Variants in RPS6KC1 observed in about 807,000 individuals in gnomAD.
RPS6KC1 encodes inactive ribosomal protein S6 kinase delta-1.
Under a neutral mutation model 103.8 loss-of-function variants are expected in RPS6KC1, and 54 were observed. That is an observed-to-expected ratio of 0.52 (90% CI 0.42 to 0.65). The LOEUF is 0.65. Among genes scored for constraint, RPS6KC1 ranks in the 30% least tolerant of loss-of-function variants. The probability of loss-of-function intolerance (pLI) is 0.00; values close to 1 mark genes in which losing one functional copy is unlikely to be tolerated. For missense variants in RPS6KC1, 1,151 were observed against 1,253.8 expected (o/e 0.92, Z 1.24); for synonymous variants, 439 against 438.7 (o/e 1.00, Z -0.01).
At chr1:213,669,391 C>T in the RPS6KC1 span, among the ~76,000 whole-genome samples, 1 of 152,158 alleles carries the variant, frequency 6.6e-6, no homozygotes, top group Non-Finnish European at 1.5e-5. Context: ...GTGGTCGCAA[C>T]ACACACGTTT....
chr1:213,324,306 A>C, the RPS6KC1 span, among the ~76,000 whole-genome samples: 1 of 152,228 alleles, frequency 6.6e-6, no homozygotes. Context: ...GGCCAGTCAG[A>C]AGATTGCCAG....
the RPS6KC1 span, among the ~76,000 whole-genome samples, chr1:213,734,453 G>C: frequency 1.8e-5 from 1 of 57,022 alleles, no homozygotes; most frequent in Non-Finnish European, 3.4e-5. Context: ...CAAAAAATTA[G>C]GGATTTTGTC....
chr1:213,220,406 A>C (rs1033096124), intron 8 of RPS6KC1, among the ~76,000 whole-genome samples: 2 of 152,184 alleles, frequency 1.3e-5, no homozygotes, highest in Non-Finnish European at 2.9e-5. Context: ...ACCTCAGTGC[A>C]ACCTCTGCCT....
chr1:213,598,087 A>T, the RPS6KC1 span, among the ~76,000 whole-genome samples: 2 of 152,224 alleles, frequency 1.3e-5, no homozygotes, highest in Non-Finnish European at 2.9e-5. Context: ...AAAAGGAAAA[A>T]GCCCCACAAC....
chr1:213,598,391 C>T, the RPS6KC1 span, among the ~76,000 whole-genome samples: 1 of 152,196 alleles, frequency 6.6e-6, no homozygotes, highest in Admixed American at 6.5e-5. Context: ...GTTAAACAAT[C>T]TAGAGTTATA....
chr1:213,573,113 T>C, the RPS6KC1 span, among the ~76,000 whole-genome samples: 1 of 152,222 alleles, frequency 6.6e-6, no homozygotes, highest in Non-Finnish European at 1.5e-5. Flanking sequence ...TCAAAAGCTT[T>C]TGATGTTGCC....
At chr1:213,471,594 T>C in the RPS6KC1 span, among the ~76,000 whole-genome samples, 1 of 152,292 alleles carries the variant, frequency 6.6e-6, no homozygotes. Flanking sequence ...GCCAAATGTT[T>C]CCCTTTTCTA....
intron 6 of RPS6KC1, among the ~76,000 whole-genome samples, chr1:213,134,873 A>G (rs2086096093): frequency 6.6e-6 from 1 of 152,134 alleles, no homozygotes; most frequent in African/African-American, 2.4e-5. Flanking sequence ...TTCTGAGAAT[A>G]GAGGTAGTTT....
chr1:213,726,604 A>C, the RPS6KC1 span, among the ~76,000 whole-genome samples: 1 of 152,276 alleles, frequency 6.6e-6, no homozygotes, highest in East Asian at 1.9e-4. Flanking sequence ...AAAAAATTTC[A>C]ATTGCTTAAG....
chr1:213,217,752 A>G (rs1455275733), intron 8 of RPS6KC1, among the ~76,000 whole-genome samples: 2 of 152,236 alleles, frequency 1.3e-5, no homozygotes, highest in African/African-American at 2.4e-5. Context: ...CAGCATATAA[A>G]CAGAACCAAT....
the RPS6KC1 span, among the ~76,000 whole-genome samples, chr1:213,459,874 C>T: frequency 2.6e-5 from 4 of 152,030 alleles, no homozygotes; most frequent in South Asian, 2.1e-4. Flanking sequence ...CAGGTTGTTC[C>T]GTTTCCATGT....
chr1:213,653,455 G>A, the RPS6KC1 span, among the ~76,000 whole-genome samples: 4 of 139,920 alleles, frequency 2.9e-5, no homozygotes, highest in African/African-American at 9.9e-5. Flanking sequence ...GAAAGATCCT[G>A]TCTCAAAAAA....
At chr1:213,525,855 TG>T in the RPS6KC1 span, among the ~76,000 whole-genome samples, 1 of 151,798 alleles carries the variant, frequency 6.6e-6, no homozygotes, top group East Asian at 1.9e-4. Flanking sequence ...AGTAGAGTGG[TG>T]GGGGGAAGGC....
chr1:213,703,530 T>C, the RPS6KC1 span, among the ~76,000 whole-genome samples: 2 of 152,200 alleles, frequency 1.3e-5, no homozygotes, highest in African/African-American at 2.4e-5. Context: ...TTATAGGACA[T>C]GTCTGGTGTT....
chr1:213,116,731 C>A (rs981004393), intron 4 of RPS6KC1, among the ~76,000 whole-genome samples: 1 of 151,404 alleles, frequency 6.6e-6, no homozygotes, highest in East Asian at 1.9e-4. Flanking sequence ...TTCAGGAGCT[C>A]TTTTAGGGCA....
chr1:213,098,359 C>G (rs2081673552), intron 3 of RPS6KC1, among the ~76,000 whole-genome samples: 1 of 141,180 alleles, frequency 7.1e-6, no homozygotes, highest in Non-Finnish European at 1.5e-5. Context: ...TTAGGCTGGT[C>G]TCAAACTCCT....
At chr1:213,362,317 C>G in the RPS6KC1 span, among the ~76,000 whole-genome samples, 3 of 152,180 alleles carry the variant, frequency 2.0e-5, no homozygotes, top group African/African-American at 7.2e-5. Flanking sequence ...CTATGTAACT[C>G]TAGAGCTGCC....
the RPS6KC1 span, among the ~76,000 whole-genome samples, chr1:213,845,682 T>A: frequency 1.5e-4 from 23 of 152,290 alleles, no homozygotes; most frequent in Admixed American, 8.5e-4. Flanking sequence ...CTAATCGTAA[T>A]ACACCTACAA....
At chr1:213,159,238 T>A (rs2090219560) in intron 6 of RPS6KC1, among the ~76,000 whole-genome samples, 1 of 152,202 alleles carries the variant, frequency 6.6e-6, no homozygotes, top group Non-Finnish European at 1.5e-5. Flanking sequence ...GGACGAGTAG[T>A]TTCCTGGCAT....
Sources: allele counts gnomAD v4.1 joint callset (sites outside exome capture counted in the v4.1 genomes callset), GRCh38; gene constraint gnomAD v4.1.1; transcripts MANE v1.5; gene names NCBI Gene and HGNC (gene_info 2026-07-23, HGNC 2026-07-21).